The following PDS5B variants were observed in gnomAD, a reference collection of about 807,000 sequenced individuals.
PDS5B encodes the protein PDS5 cohesin associated factor B.
PDS5B carries 51 observed loss-of-function variants against 184.1 expected under a neutral mutation model. The observed-to-expected ratio is 0.28, with a 90% CI of 0.22 to 0.35. The LOEUF is 0.35. PDS5B is among the 10% of genes least tolerant of loss of function. The probability of loss-of-function intolerance (pLI) is 1.00; values close to 1 mark genes in which losing one functional copy is unlikely to be tolerated. For missense variants in PDS5B, 1,180 were observed against 1,723.3 expected (o/e 0.68, Z 5.58); for synonymous variants, 566 against 569.2 (o/e 0.99, Z 0.08).
At chr13:32,715,657 C>G (rs544999328) in intron 19 of PDS5B, among the ~76,000 whole-genome samples, 15 of 152,036 alleles carry the variant, frequency 9.9e-5, no homozygotes, top group Non-Finnish European at 2.1e-4. Context: ...CCCTCTCCCT[C>G]TCCCCACGGT....
At chr13:32,744,767 A>G (rs1275158049) in intron 23 of PDS5B, among the ~76,000 whole-genome samples, 3 of 152,180 alleles carry the variant, frequency 2.0e-5, no homozygotes, top group Non-Finnish European at 2.9e-5. Flanking sequence ...ACGAAGTCCT[A>G]CAACTTTAGA....
intron 11 of PDS5B, among the ~76,000 whole-genome samples, chr13:32,685,935 T>C (rs559007816): frequency 1.3e-5 from 2 of 152,260 alleles, no homozygotes; most frequent in South Asian, 4.1e-4. Context: ...CCACCATGAC[T>C]GGCCTGAAAT....
rs1340303661 is a variant in PDS5B, at chr13:32,742,463, A to G, written c.2476-128A>G. 4.3e-6 allele frequency: 3 copies of G among 696,692 alleles called. No homozygotes were observed. The African/African-American group carries it at 5.4e-5, about 13-fold the overall frequency. 43.2% of individuals were successfully genotyped at this position (696,692 alleles called of 1,614,324 possible). On this transcript the variant is annotated intron_variant, in intron 22 of 34. Coordinates refer to ENST00000315596, the MANE Select transcript of PDS5B (RefSeq NM_015032.4). The stretch of plus-strand genomic sequence containing the variant: ...AAAACATTCGAGATTATCTTCATAT[A>G]TACAGAAAAGAATTTTTTCTTTTCT...
intron 19 of PDS5B, among the ~76,000 whole-genome samples, chr13:32,722,031 G>T (rs1279343131): frequency 3.9e-5 from 6 of 152,232 alleles, no homozygotes; most frequent in Non-Finnish European, 5.9e-5. Context: ...GTTGTAGCGA[G>T]CCGAGATCAC....
intron 8 of PDS5B, among the ~76,000 whole-genome samples, chr13:32,673,676 A>G (rs1266380866): frequency 6.6e-6 from 1 of 152,220 alleles, no homozygotes; most frequent in Admixed American, 6.5e-5. Flanking sequence ...CACAGTTTAT[A>G]GTAGTTCCTT....
At chr13:32,731,915 G>T (rs1467765145) in intron 19 of PDS5B, among the ~76,000 whole-genome samples, 186 bp from the exon 20 acceptor site, 1 of 152,094 alleles carries the variant, frequency 6.6e-6, no homozygotes, top group Non-Finnish European at 1.5e-5. Context: ...TTTGTATTTG[G>T]ATTACATTTT....
At chr13:32,642,397 G>C (rs1182700836) in intron 1 of PDS5B, among the ~76,000 whole-genome samples, 1 of 152,148 alleles carries the variant, frequency 6.6e-6, no homozygotes, top group African/African-American at 2.4e-5. Context: ...AAGTACAATA[G>C]ATACAATGTG....
chr13:32,690,591 A>C (rs1334618146), intron 13 of PDS5B: 1 of 152,186 alleles, frequency 6.6e-6, no homozygotes, highest in African/African-American at 2.4e-5. Context: ...TAATACCAGA[A>C]ACAAAATAGA....
chr13:32,737,851 T>C (rs1953394780), intron 21 of PDS5B, among the ~76,000 whole-genome samples: 4 of 152,214 alleles, frequency 2.6e-5, no homozygotes, highest in Admixed American at 2.6e-4. Flanking sequence ...CTTCAATCCT[T>C]TCTACTTCCT....
At chr13:32,697,469 A>G (rs995886530) in intron 15 of PDS5B, among the ~76,000 whole-genome samples, 2 of 152,172 alleles carry the variant, frequency 1.3e-5, no homozygotes, top group African/African-American at 4.8e-5. Flanking sequence ...CCACTTGGTG[A>G]TAATGAAGAG....
At chr13:32,636,659 A>G (rs1044234335) in intron 1 of PDS5B, among the ~76,000 whole-genome samples, 7 of 152,238 alleles carry the variant, frequency 4.6e-5, no homozygotes, top group Non-Finnish European at 7.4e-5. Flanking sequence ...AAGAACATTT[A>G]TTCAGCTTTT....
chr13:32,717,146 A>G (rs1259279332), intron 19 of PDS5B, among the ~76,000 whole-genome samples: 6 of 152,220 alleles, frequency 3.9e-5, no homozygotes, highest in Non-Finnish European at 7.4e-5. Context: ...CCTACTGGGA[A>G]GTGAGGAGCC....
chr13:32,745,176 A>C (rs1566402105), intron 23 of PDS5B, among the ~76,000 whole-genome samples: 1 of 152,162 alleles, frequency 6.6e-6, no homozygotes, highest in Non-Finnish European at 1.5e-5. Flanking sequence ...AGGAATAGTA[A>C]TGTTTTCCTC....
chr13:32,586,999 G>C (rs1424928633), intron 1 of PDS5B, among the ~76,000 whole-genome samples: 1 of 137,966 alleles, frequency 7.2e-6, no homozygotes, highest in Non-Finnish European at 1.6e-5. Flanking sequence ...TCCCGCCGCC[G>C]CCGTCGCCGC....
At chr13:32,686,895 T>C (rs1417377496) in intron 11 of PDS5B, among the ~76,000 whole-genome samples, 1 of 152,226 alleles carries the variant, frequency 6.6e-6, no homozygotes, top group Non-Finnish European at 1.5e-5. Flanking sequence ...TTTAAGACAT[T>C]AAAGCATTAA....
chr13:32,668,663 A>C (rs1950860687), intron 7 of PDS5B, among the ~76,000 whole-genome samples: 1 of 152,024 alleles, frequency 6.6e-6, no homozygotes, highest in Non-Finnish European at 1.5e-5. Context: ...TTTCAGTTTC[A>C]CTCACCTCCA....
At chr13:32,590,939 G>A (rs1000563267) in intron 1 of PDS5B, among the ~76,000 whole-genome samples, 1 of 150,156 alleles carries the variant, frequency 6.7e-6, no homozygotes, top group African/African-American at 2.5e-5. Flanking sequence ...TGTATTTTAA[G>A]TTAAAAGTTA....
In PDS5B at chr13:32,677,571, G is replaced by T. The variant is rs17077736; in HGVS notation, c.963-1264G>T. On this transcript the variant is annotated intron_variant, in intron 9 of 34. Transcript: ENST00000315596. Reference sequence around the variant, plus strand: ...GCATGTTTACCTGAGAAATGATAACGTATATAGGATTGAGTACCTGAATTC... The same window carrying T: ...GCATGTTTACCTGAGAAATGATAACTTATATAGGATTGAGTACCTGAATTC... Among the ~76,000 whole-genome samples, 34 of 152,148 alleles carry T rather than the reference G, an allele frequency of 2.2e-4. No individual in the cohort carries two copies. In the East Asian group the frequency reaches 3.3e-3, roughly 15 times the overall value.
chr13:32,631,239 C>A (rs932697192), intron 1 of PDS5B, among the ~76,000 whole-genome samples: 5 of 151,114 alleles, frequency 3.3e-5, no homozygotes, highest in African/African-American at 1.2e-4. Flanking sequence ...ACCTCAGCCT[C>A]CCAGTTAGTT....
Sources: allele counts gnomAD v4.1 joint callset (sites outside exome capture counted in the v4.1 genomes callset), GRCh38; gene constraint gnomAD v4.1.1; transcripts MANE v1.5; gene names NCBI Gene and HGNC (gene_info 2026-07-23, HGNC 2026-07-21).